The following KIAA1958 variants were observed in gnomAD, a reference collection of about 807,000 sequenced individuals.
The protein encoded by KIAA1958 is KIAA1958.
KIAA1958 carries 14 observed loss-of-function variants against 47.2 expected under a neutral mutation model. The ratio of observed to expected loss-of-function variants is 0.30; its 90% confidence interval spans 0.20 to 0.46. The LOEUF (loss-of-function observed/expected upper bound fraction) is 0.46. KIAA1958 is among the 20% of genes least tolerant of loss of function. The probability of loss-of-function intolerance (pLI) is 1.00; values close to 1 mark genes in which losing one functional copy is unlikely to be tolerated. For synonymous variants in KIAA1958, 354 were observed against 353.3 expected, an observed-to-expected ratio of 1.00 and a Z score of -0.02; for missense variants, 803 against 909.2, an observed-to-expected ratio of 0.88 and a Z score of 1.50.
At chr9:112,494,714 T>A (rs1834023429) in intron 1 of KIAA1958, among the ~76,000 whole-genome samples, 1 of 152,054 alleles carries the variant, frequency 6.6e-6, no homozygotes, top group South Asian at 2.1e-4. Context: ...ATGATCCACC[T>A]GCCTCAGCCT....
chr9:112,594,360 C>T (rs1835979233), intron 2 of KIAA1958, among the ~76,000 whole-genome samples: 1 of 152,166 alleles, frequency 6.6e-6, no homozygotes, highest in Admixed American at 6.5e-5. Flanking sequence ...GTTGTGCTGC[C>T]ATCAGCACTG....
chr9:112,525,428 C>T (rs374294745), intron 1 of KIAA1958, among the ~76,000 whole-genome samples: 1 of 152,334 alleles, frequency 6.6e-6, no homozygotes, highest in South Asian at 2.1e-4. Context: ...TATAAGCATA[C>T]AAATCTTGGG....
At position 112,661,741 on chromosome 9, in the gene KIAA1958, G is replaced by A. The variant is rs149202685; in HGVS notation, c.*1672G>A. ...CCTTTCCTGAATAGAGATTAGTTTC[G>A]GCATTTCTCCATCTGTATATAAATA... is the stretch of plus-strand genomic sequence containing the variant. On this transcript the variant is annotated 3_prime_UTR_variant, in exon 4 of 4. Coordinates refer to ENST00000337530, the MANE Select transcript of KIAA1958 (RefSeq NM_133465.4). The A allele has an allele frequency of 9.9e-5, 15 of 152,138 alleles. No homozygotes were observed. Among genetic ancestry groups the A allele is most frequent in the African/African-American group, 2.2e-4 (9 of 41,492 alleles). 9.4% of individuals were successfully genotyped at this position (152,138 alleles called of 1,614,324 possible).
Position 112,618,078 on chromosome 9 carries a change from A to G in KIAA1958, c.1172-27572A>G. 1 of 1,550,566 alleles carries G rather than the reference A, an allele frequency of 6.4e-7. No individual in the cohort carries two copies. The highest frequency in any genetic ancestry group is 8.7e-7 in the Non-Finnish European group (1 of 1,147,000). ...GCCAGGCAGAAGGATGGGTCCGAAT[A>G]CGAACCCAACAGCTTGGCCAATTAC... On this transcript the variant is annotated intron_variant, in intron 2 of 3. Coordinates refer to ENST00000337530, the MANE Select transcript of KIAA1958 (RefSeq NM_133465.4). The surrounding 1 kb of genome is among the most constrained non-coding windows in gnomAD (Gnocchi z 7.1).
chr9:112,633,922 T>C (rs960963953), intron 2 of KIAA1958, among the ~76,000 whole-genome samples: 11 of 152,248 alleles, frequency 7.2e-5, no homozygotes, highest in Admixed American at 7.2e-4. Context: ...TTATTTGTTG[T>C]ACTATTATGC....
chr9:112,582,287 C>T (rs1055146759), intron 2 of KIAA1958, among the ~76,000 whole-genome samples: 1 of 152,012 alleles, frequency 6.6e-6, no homozygotes, highest in African/African-American at 2.4e-5. Context: ...GGCTGAATAC[C>T]CCATTCTCCA....
chr9:112,487,102 C>T lies in KIAA1958; in HGVS notation c.-41C>T. ...CGCCGACCGCGTTCCTATGGACAGA[C>T]GCACAGACACCTGCAGGTGGGTGAG... On this transcript the variant is annotated 5_prime_UTR_variant, in exon 1 of 4. The change creates a new upstream start codon in the 5' untranslated region. Transcript: ENST00000337530. 4.6e-6 allele frequency: 1 copy of T among 216,726 alleles called. No individual in the cohort carries two copies. The allele number at this position is 216,726 out of a possible 1,614,324, so 13.4% of individuals were successfully genotyped here. A position where few individuals can be genotyped will look rare whatever the true frequency, so the allele number is the denominator to read the frequency against.
intron 1 of KIAA1958, among the ~76,000 whole-genome samples, chr9:112,530,215 C>T (rs1416996864): frequency 6.6e-6 from 1 of 152,160 alleles, no homozygotes. Context: ...GGTCTGTTCT[C>T]TCCCATTTAT....
chr9:112,611,178 G>A (rs1554728193), intron 2 of KIAA1958, among the ~76,000 whole-genome samples: 1 of 152,032 alleles, frequency 6.6e-6, no homozygotes, highest in Non-Finnish European at 1.5e-5. Flanking sequence ...TCAGTAATGA[G>A]CCACAACCTA....
rs948949856 is a variant in KIAA1958 at position 112,659,150 on chromosome 9, T to G, written c.1345-113T>G. 9 of 825,150 alleles carry G rather than the reference T, an allele frequency of 1.1e-5. No homozygotes were observed. The East Asian group carries it at 2.0e-4, about 18-fold the overall frequency. The allele number at this position is 825,150 out of a possible 1,614,324, so 51.1% of individuals were successfully genotyped here. On this transcript the variant is annotated intron_variant, in intron 3 of 3. Coordinates refer to ENST00000337530, the MANE Select transcript of KIAA1958 (RefSeq NM_133465.4). ...ATTCACTGTTCTTTCCATTGTGTCC[T>G]GCTAAGGGGTCACAGAATGTCCTCA...
intron 1 of KIAA1958, among the ~76,000 whole-genome samples, chr9:112,531,164 G>A (rs1467992219): frequency 6.6e-6 from 1 of 152,196 alleles, no homozygotes; most frequent in Non-Finnish European, 1.5e-5. Flanking sequence ...CGAGGCAGGC[G>A]TATCACCTGA....
intron 2 of KIAA1958, among the ~76,000 whole-genome samples, chr9:112,604,141 C>A (rs912507307): frequency 6.6e-6 from 1 of 152,020 alleles, no homozygotes; most frequent in Admixed American, 6.6e-5. Context: ...ATAAATCTCC[C>A]CAAATTAAAT....
chr9:112,625,144 A>G (rs762402142), intron 2 of KIAA1958, among the ~76,000 whole-genome samples: 5 of 151,962 alleles, frequency 3.3e-5, no homozygotes, highest in Admixed American at 6.6e-5. Context: ...CTTTTAATGT[A>G]TTTATTTGTT....
At chr9:112,546,109 T>C (rs7863274) in intron 1 of KIAA1958, among the ~76,000 whole-genome samples, 145,247 of 152,150 alleles carry the variant, frequency 0.95, 69,402 homozygotes, top group African/African-American at 0.99. Context: ...ATACAGGTCA[T>C]AAAGACCCCA....
intron 1 of KIAA1958, among the ~76,000 whole-genome samples, chr9:112,554,440 G>T (rs531562117): frequency 4.3e-4 from 66 of 152,224 alleles, no homozygotes; most frequent in African/African-American, 1.5e-3. Context: ...AGAGGTTGCA[G>T]TGAGCTGAGA....
rs985057370 is a variant in KIAA1958, at chr9:112,666,022, C to G, written c.*5953C>G. 1 of 150,912 alleles carries G rather than the reference C, an allele frequency of 6.6e-6. No individual in the cohort carries two copies. Among genetic ancestry groups the G allele is most frequent in the East Asian group, 1.9e-4 (1 of 5,154 alleles). 9.3% of individuals were successfully genotyped at this position (150,912 alleles called of 1,614,324 possible). On this transcript the variant is annotated 3_prime_UTR_variant, in exon 4 of 4. Transcript: ENST00000337530. The stretch of plus-strand genomic sequence containing the variant: ...TTTTTTGAGACTCAGGAGTCTCACT[C>G]TGTTGCCCAGGCTGGAGTGCAGTGG...
chr9:112,492,805 A>C lies in KIAA1958; in HGVS notation c.-25+5687A>C, dbSNP rs184569675. 2.7e-3 allele frequency among the ~76,000 whole-genome samples: 411 copies of C among 152,080 alleles called. 2 individuals are homozygous for C. Among genetic ancestry groups the C allele is most frequent in the African/African-American group, 9.5e-3 (393 of 41,474 alleles). On this transcript the variant is annotated intron_variant, in intron 1 of 3. Transcript: ENST00000337530. Reference sequence around the variant, plus strand: ...TTTTCTGTTGCCCAGGATGGAGCGCACTAACGTGATCACAGCTCACTGCAG... The same window carrying C: ...TTTTCTGTTGCCCAGGATGGAGCGCCCTAACGTGATCACAGCTCACTGCAG...
rs1208086169 is a variant in KIAA1958 at position 112,619,819 on chromosome 9, G to A, written c.1172-25831G>A. On this transcript the variant is annotated intron_variant, in intron 2 of 3. Transcript: ENST00000337530. The stretch of plus-strand genomic sequence containing the variant: ...ATTGCCTATAAAGAAGGTAAAAGGT[G>A]GAAAGTCTTACTAAAAATCTAGAAG... Among the ~76,000 whole-genome samples, 18 of 152,042 alleles carry A rather than the reference G, an allele frequency of 1.2e-4. No homozygotes were observed. In the East Asian group the frequency reaches 3.3e-3, roughly 28 times the overall value.
chr9:112,616,816 T>G (rs1836414433), intron 2 of KIAA1958, among the ~76,000 whole-genome samples: 1 of 151,678 alleles, frequency 6.6e-6, no homozygotes, highest in African/African-American at 2.4e-5. Context: ...TAATTGAACT[T>G]AACTATTATT....
Sources: allele counts gnomAD v4.1 joint callset (sites outside exome capture counted in the v4.1 genomes callset), GRCh38; gene constraint gnomAD v4.1.1; non-coding constraint Gnocchi (gnomAD v3.1); transcripts MANE v1.5; gene names NCBI Gene and HGNC (gene_info 2026-07-23, HGNC 2026-07-21).